Variants in VPS9D1 observed in about 807,000 individuals in gnomAD.
VPS9D1 encodes VPS9 domain-containing protein 1.
In VPS9D1, 78 loss-of-function variants were observed where a neutral mutation model predicts 75.8. That is an observed-to-expected ratio of 1.03 (90% CI 0.86 to 1.24). The LOEUF (loss-of-function observed/expected upper bound fraction) is 1.24, where lower values mean the gene tolerates loss of function less well. Among genes scored for constraint, VPS9D1 ranks in the 50% most tolerant of loss-of-function variants. The pLI is 0.00. For synonymous variants in VPS9D1, 481 were observed against 385.6 expected (o/e 1.25, Z -2.90); for missense variants, 1,057 against 847.7 (o/e 1.25, Z -3.07).
intron 11 of VPS9D1, 112 bp downstream of exon 11, chr16:89,709,665 G>C: frequency 1.3e-6 from 2 of 1,536,136 alleles, no homozygotes; most frequent in Non-Finnish European, 1.8e-6. Context: ...GAGCAAACAC[G>C]AGTCTTGGGG....
At chr16:89,713,440 G>T (rs2060987539) in intron 4 of VPS9D1, among the ~76,000 whole-genome samples, 1 of 151,508 alleles carries the variant, frequency 6.6e-6, no homozygotes, top group Non-Finnish European at 1.5e-5. Flanking sequence ...ATTTTTAGTA[G>T]AGACGGGGTT....
chr16:89,710,040 C>G (rs983479992), intron 10 of VPS9D1, 134 bp from the exon 11 acceptor site: 1 of 1,257,730 alleles, frequency 8.0e-7, no homozygotes, highest in Non-Finnish European at 1.1e-6. Flanking sequence ...CCACCCCTGA[C>G]CCTCCTCGGC....
chr16:89,711,703 G>A (rs866609360), intron 8 of VPS9D1, 179 bp downstream of exon 8: 1 of 773,558 alleles, frequency 1.3e-6, no homozygotes, highest in Non-Finnish European at 2.0e-6. Context: ...GCTCTGCCCC[G>A]CCCCACGCAG....
In VPS9D1 at chr16:89,717,279, G is replaced by A. The variant is rs116265483; in HGVS notation, c.176-457C>T. ...GCTAAGGCTGTGGGCCCCTCATCGA[G>A]GCCCGTCACAGCCTCGACCCTAAAC... On this transcript the variant is annotated intron_variant, in intron 2 of 14. Coordinates refer to ENST00000389386, the MANE Select transcript of VPS9D1 (RefSeq NM_004913.3). 237 of 320,426 alleles carry A rather than the reference G, an allele frequency of 7.4e-4. 2 individuals carry two copies. Among genetic ancestry groups the A allele is most frequent in the African/African-American group, 4.7e-3 (212 of 45,494 alleles). 19.8% of individuals were successfully genotyped at this position (320,426 alleles called of 1,614,324 possible). A position where few individuals can be genotyped will look rare whatever the true frequency, so the allele number is the denominator to read the frequency against.
chr16:89,716,973 C>G (rs77164007), intron 2 of VPS9D1, 151 bp from the exon 3 acceptor site: 2 of 617,242 alleles, frequency 3.2e-6, no homozygotes, highest in Non-Finnish European at 2.5e-6. Context: ...CCCCCATCCC[C>G]TCACTGACCC....
intron 8 of VPS9D1, 137 bp downstream of exon 8, chr16:89,711,745 A>G (rs1347772545): frequency 3.5e-5 from 34 of 974,768 alleles, no homozygotes; most frequent in African/African-American, 4.1e-5. Context: ...GGGCCCTCCC[A>G]CGGGCCTCTG....
At chr16:89,720,280 T>G in intron 1 of VPS9D1, 1 of 510,326 alleles carries the variant, frequency 2.0e-6, no homozygotes, top group Non-Finnish European at 2.5e-6. Context: ...TTCGGCCCCA[T>G]CTCAGGAACG....
chr16:89,708,305 C>T (rs2060835106), intron 14 of VPS9D1, 122 bp downstream of exon 14: 2 of 966,882 alleles, frequency 2.1e-6, no homozygotes, highest in Admixed American at 2.3e-5. Flanking sequence ...TGCCCGAAGG[C>T]ATGGCTGTGA....
intron 6 of VPS9D1, 116 bp downstream of exon 6, chr16:89,712,344 G>A (rs752333174): frequency 3.4e-6 from 5 of 1,474,938 alleles, no homozygotes; most frequent in African/African-American, 1.4e-5. Flanking sequence ...GGAGCCCCTC[G>A]GCCCTGTACC....
At chr16:89,713,356 G>A (rs1370797240) in intron 4 of VPS9D1, among the ~76,000 whole-genome samples, 2 of 151,494 alleles carry the variant, frequency 1.3e-5, no homozygotes, top group East Asian at 4.0e-4. Flanking sequence ...CCGGGTTCAT[G>A]CCATTCTCCT....
intron 2 of VPS9D1, among the ~76,000 whole-genome samples, chr16:89,718,479 G>T (rs557984736): frequency 2.0e-5 from 3 of 152,086 alleles, no homozygotes; most frequent in Admixed American, 6.6e-5. Flanking sequence ...CGTCTGTGCC[G>T]CTCACTGGAG....
chr16:89,717,302 A>G (rs968233708), intron 2 of VPS9D1: 31 of 341,018 alleles, frequency 9.1e-5, no homozygotes, highest in Middle Eastern at 2.1e-3. Context: ...CTCGACCCTA[A>G]ACAGGCCTTT....
intron 11 of VPS9D1, 93 bp from the exon 12 acceptor site, chr16:89,709,528 C>G: frequency 7.2e-7 from 1 of 1,390,194 alleles, no homozygotes; most frequent in African/African-American, 1.5e-5. Context: ...CTGGAGAAAA[C>G]TGGCTATGTA....
At chr16:89,719,332 TGA>T (rs60695312) in intron 1 of VPS9D1, 2,225 of 577,416 alleles carry the variant, frequency 3.9e-3, no homozygotes, top group East Asian at 5.7e-3. Context: ...CATCAGGACC[TGA>T]GAGAGAGAGA....
chr16:89,709,556 C>T, intron 11 of VPS9D1, 121 bp from the exon 12 acceptor site: 10 of 1,301,906 alleles, frequency 7.7e-6, no homozygotes, highest in Non-Finnish European at 1.0e-5. Flanking sequence ...CAAAAAGCCC[C>T]AGCGTTGCCA....
chr16:89,711,300 C>T, intron 9 of VPS9D1, 27 bp downstream of exon 9: 1 of 1,588,848 alleles, frequency 6.3e-7, no homozygotes, highest in South Asian at 1.1e-5. Flanking sequence ...TGCGCAGGGG[C>T]TCTGTGGGGC....
Position 89,720,760 on chromosome 16 carries a change from C to T in VPS9D1, c.99+3G>A. The T allele has an allele frequency of 6.9e-7, 1 of 1,447,176 alleles. No individual in the cohort carries two copies. Among genetic ancestry groups the T allele is most frequent in the East Asian group, 3.1e-5 (1 of 31,994 alleles). 89.6% of individuals were successfully genotyped at this position (1,447,176 alleles called of 1,614,324 possible). A position where few individuals can be genotyped will look rare whatever the true frequency, so the allele number is the denominator to read the frequency against. On this transcript the variant is annotated splice_donor_region_variant and intron_variant, in intron 1 of 14. Coordinates refer to ENST00000389386, the MANE Select transcript of VPS9D1 (RefSeq NM_004913.3). Reference sequence around the variant, plus strand: ...GCCAAGCCCCGCCCCCGCCCCGCCTCACCCGGGGCCGGTTGCCGGTGTCCA... The same window carrying T: ...GCCAAGCCCCGCCCCCGCCCCGCCTTACCCGGGGCCGGTTGCCGGTGTCCA...
intron 4 of VPS9D1, among the ~76,000 whole-genome samples, chr16:89,713,750 T>C (rs1180798244): frequency 6.6e-6 from 1 of 151,654 alleles, no homozygotes; most frequent in Non-Finnish European, 1.5e-5. Flanking sequence ...GGCTCACGCC[T>C]GTAATCCCAG....
chr16:89,718,120 G>A (rs1597934469), intron 2 of VPS9D1: 2 of 450,508 alleles, frequency 4.4e-6, no homozygotes, highest in African/African-American at 2.0e-5. Flanking sequence ...CCTTTGTGCA[G>A]CGGCTGCTGG....
Sources: allele counts gnomAD v4.1 joint callset (sites outside exome capture counted in the v4.1 genomes callset), GRCh38; gene constraint gnomAD v4.1.1; transcripts MANE v1.5; gene names NCBI Gene and HGNC (gene_info 2026-07-23, HGNC 2026-07-21).